KCTD10: variants seen among roughly 807,000 people sequenced by gnomAD.
KCTD10 encodes the protein potassium channel tetramerization domain containing 10.
In KCTD10, 13 loss-of-function variants were observed where a neutral mutation model predicts 34.6. The ratio of observed to expected loss-of-function variants is 0.38; its 90% CI spans 0.24 to 0.60. The LOEUF (loss-of-function observed/expected upper bound fraction) is 0.60, where lower values mean the gene tolerates loss of function less well. KCTD10 is among the 20% of genes least tolerant of loss of function. KCTD10 has a pLI of 0.66. For synonymous variants in KCTD10, 156 were observed against 168.8 expected (o/e 0.92, Z 0.59); for missense variants, 256 against 420.3 (o/e 0.61, Z 3.42).
In KCTD10 at chr12:109,451,426, C is replaced by T. The variant is rs1592831991; in HGVS notation, c.*169G>A. The T allele has an allele frequency of 1.6e-6, 1 of 637,056 alleles. No homozygotes were observed. The highest frequency in any genetic ancestry group is 2.8e-5 in the East Asian group (1 of 35,350). 39.5% of individuals were successfully genotyped at this position (637,056 alleles called of 1,614,324 possible). On this transcript the variant is annotated 3_prime_UTR_variant, in exon 7 of 7. Coordinates refer to ENST00000228495, the MANE Select transcript of KCTD10 (RefSeq NM_031954.5). The surrounding 1 kb of genome is among the most constrained non-coding windows in gnomAD (Gnocchi z 5.0). ...CAGGGGTCATACGCCTGGGTCAAGA[C>T]AATCAATTTGCCTTGTCAAGCAATA...
chr12:109,472,667 T>C (rs1873946574), intron 1 of KCTD10, among the ~76,000 whole-genome samples: 1 of 152,214 alleles, frequency 6.6e-6, no homozygotes, highest in Non-Finnish European at 1.5e-5. Flanking sequence ...AGCAAAGTAG[T>C]TCTGTTTACA....
chr12:109,456,158 C>G lies in KCTD10; in HGVS notation c.683G>C (p.Cys228Ser). 6.2e-7 allele frequency: 1 copy of G among 1,614,152 alleles called. No individual in the cohort carries two copies. Among genetic ancestry groups the G allele is most frequent in the Non-Finnish European group, 8.5e-7 (1 of 1,180,032 alleles). The change falls in exon 6 of 7, where the codon TGT (cysteine) becomes TCT (serine). Residue 228 changes from cysteine to serine, a missense_variant. Coordinates refer to ENST00000228495, the MANE Select transcript of KCTD10 (RefSeq NM_031954.5). ...GQGRKIAEVC[C>S]TSIVYATEKK... ...CTCAGTGGCATAGACGATGGAGGTA[C>G]AACAGACTTCAGCAATCTTCCGGCC... is the stretch of plus-strand genomic sequence containing the variant.
At chr12:109,473,494 G>A (rs941689318) in intron 1 of KCTD10, among the ~76,000 whole-genome samples, 12 of 152,086 alleles carry the variant, frequency 7.9e-5, no homozygotes, top group African/African-American at 2.7e-4. Flanking sequence ...ACTGTTTCCA[G>A]CTCTAATGGC....
intron 1 of KCTD10, among the ~76,000 whole-genome samples, chr12:109,471,845 T>G (rs1873905762): frequency 6.6e-6 from 1 of 152,218 alleles, no homozygotes; most frequent in South Asian, 2.1e-4. Context: ...CGATCTAGCA[T>G]TTTGGAAGGT....
chr12:109,463,976 C>T (rs1265946916), intron 2 of KCTD10, among the ~76,000 whole-genome samples: 1 of 152,156 alleles, frequency 6.6e-6, no homozygotes, highest in East Asian at 1.9e-4. Flanking sequence ...GTGTTGCTTT[C>T]AGGGACCCAA....
rs1022857730 is a variant in KCTD10 at position 109,451,952 on chromosome 12, T to C, written c.724-139A>G. 1.1e-5 allele frequency: 7 copies of C among 639,642 alleles called. No individual in the cohort carries two copies. The African/African-American group carries it at 1.1e-4, about 10-fold the overall frequency. 39.6% of individuals were successfully genotyped at this position (639,642 alleles called of 1,614,324 possible). On this transcript the variant is annotated intron_variant, in intron 6 of 6. Coordinates refer to ENST00000228495, the MANE Select transcript of KCTD10 (RefSeq NM_031954.5). The surrounding 1 kb of genome is among the most constrained non-coding windows in gnomAD (Gnocchi z 5.0). ...CCACCAGTATTATTTTTAAATAAAC[T>C]GATATTTTCAATGGCAACACTTACA...
intron 3 of KCTD10, 74 bp from the exon 4 acceptor site, chr12:109,458,152 A>G: frequency 8.0e-7 from 1 of 1,251,440 alleles, no homozygotes; most frequent in Admixed American, 1.7e-5. Flanking sequence ...CCGGCTGGAC[A>G]GGCTCTGGCG....
Position 109,456,069 on chromosome 12 carries a change from G to A in KCTD10, c.723+49C>T, listed in dbSNP as rs768685869. The A allele has an allele frequency of 1.9e-5, 29 of 1,554,350 alleles. No homozygotes were observed. The East Asian group carries it at 5.4e-4, about 29-fold the overall frequency. ...GCTCAAGTGAAAGGAAGTTCTATAG[G>A]TGTGTGTTTCAGAACAGCCACTCCA... On this transcript the variant is annotated intron_variant, in intron 6 of 6. Transcript: ENST00000228495.
chr12:109,468,778 G>A (rs955310550), intron 2 of KCTD10, among the ~76,000 whole-genome samples: 6 of 149,916 alleles, frequency 4.0e-5, no homozygotes, highest in Non-Finnish European at 8.9e-5. Context: ...TCAGCCTCCC[G>A]AGTAGCTGGG....
chr12:109,476,205 C>A (rs1395357356), intron 1 of KCTD10, among the ~76,000 whole-genome samples: 1 of 152,184 alleles, frequency 6.6e-6, no homozygotes, highest in African/African-American at 2.4e-5. Context: ...CCAGGTGTTG[C>A]TGCTGGTGGG....
intron 2 of KCTD10, among the ~76,000 whole-genome samples, chr12:109,462,331 C>T (rs1873374241): frequency 6.6e-6 from 1 of 152,240 alleles, no homozygotes; most frequent in African/African-American, 2.4e-5. Flanking sequence ...CCAGCGGCTT[C>T]CACTTCCTAC....
In KCTD10 at chr12:109,448,966, A is replaced by G. The variant is rs936013938; in HGVS notation, c.*2629T>C. On this transcript the variant is annotated 3_prime_UTR_variant, in exon 7 of 7. Coordinates refer to ENST00000228495, the MANE Select transcript of KCTD10 (RefSeq NM_031954.5). ...GAATATGCCAGGAATTGTCTTGGACATGGGCCCCAGTCACCACAATCAGAT... is the reference window on the plus strand; with the variant it reads ...GAATATGCCAGGAATTGTCTTGGACGTGGGCCCCAGTCACCACAATCAGAT... The G allele has an allele frequency of 6.6e-6, 1 of 152,164 alleles. No homozygotes were observed. The allele number at this position is 152,164 out of a possible 1,614,324, so 9.4% of individuals were successfully genotyped here.
intron 2 of KCTD10, 98 bp downstream of exon 2, chr12:109,469,417 A>ACATC (rs1326226242): frequency 5.6e-6 from 8 of 1,428,868 alleles, no homozygotes; most frequent in Non-Finnish European, 7.7e-6. Context: ...TGCCTCCTAC[A>ACATC]CATCTTCAGG....
Position 109,451,891 on chromosome 12 carries a change from C to T in KCTD10, c.724-78G>A. The stretch of plus-strand genomic sequence containing the variant: ...AACACCTGGACTTTAAGCAGGGCCG[C>T]CAGGCTAAATCAGGCCCCTGGGATT... On this transcript the variant is annotated intron_variant, in intron 6 of 6. Coordinates refer to ENST00000228495, the MANE Select transcript of KCTD10 (RefSeq NM_031954.5). This position sits in a 1 kb window ranked among gnomAD's most constrained non-coding sequence, Gnocchi z 5.0. 8.1e-7 allele frequency: 1 copy of T among 1,233,010 alleles called. No homozygotes were observed. The highest frequency in any genetic ancestry group is 1.1e-6 in the Non-Finnish European group (1 of 899,214). The allele number at this position is 1,233,010 out of a possible 1,614,324, so 76.4% of individuals were successfully genotyped here.
At position 109,451,322 on chromosome 12, in the gene KCTD10, G is replaced by A; in HGVS notation, c.*273C>T. ...TCACACTCATTCATACTTTTCCTCT[G>A]AGAACCGAGAAAGCCTGGCTCCAAA... On this transcript the variant is annotated 3_prime_UTR_variant, in exon 7 of 7. Coordinates refer to ENST00000228495, the MANE Select transcript of KCTD10 (RefSeq NM_031954.5). The surrounding 1 kb of genome is among the most constrained non-coding windows in gnomAD (Gnocchi z 5.0). 2.2e-6 allele frequency: 1 copy of A among 453,874 alleles called. No homozygotes were observed. The highest frequency in any genetic ancestry group is 3.9e-6 in the Non-Finnish European group (1 of 257,878). 28.1% of individuals were successfully genotyped at this position (453,874 alleles called of 1,614,324 possible). A position where few individuals can be genotyped will look rare whatever the true frequency, so the allele number is the denominator to read the frequency against.
intron 2 of KCTD10, among the ~76,000 whole-genome samples, chr12:109,466,634 A>G (rs1873605433): frequency 6.6e-6 from 1 of 152,224 alleles, no homozygotes; most frequent in Non-Finnish European, 1.5e-5. Flanking sequence ...AAACTCAATC[A>G]GGTAGAAGGG....
In KCTD10 at chr12:109,460,827, G is replaced by T; in HGVS notation, c.218-22C>A. On this transcript the variant is annotated intron_variant, in intron 2 of 6. Transcript: ENST00000228495. This position sits in a 1 kb window ranked among gnomAD's most constrained non-coding sequence, Gnocchi z 4.5. The stretch of plus-strand genomic sequence containing the variant: ...CAGCCTGCAGAGGGAGGAGGCAGGG[G>T]CTGGTTACATGGGCCCTCCTCTTGT... 6.2e-7 allele frequency: 1 copy of T among 1,611,300 alleles called. No homozygotes were observed. Among genetic ancestry groups the T allele is most frequent in the East Asian group, 2.2e-5 (1 of 44,848 alleles).
Position 109,473,565 on chromosome 12 carries a change from T to G in KCTD10, c.3+3695A>C, listed in dbSNP as rs577550823. Among the ~76,000 whole-genome samples, 11 of 152,244 alleles carry G rather than the reference T, an allele frequency of 7.2e-5. No individual in the cohort carries two copies. In the East Asian group the frequency reaches 1.7e-3, roughly 24 times the overall value. ...CCTGATCTAGAATGAGACTACAGAT[T>G]AGGCAACAAAAGCTCTAAACCTTTT... On this transcript the variant is annotated intron_variant, in intron 1 of 6. Coordinates refer to ENST00000228495, the MANE Select transcript of KCTD10 (RefSeq NM_031954.5).
chr12:109,463,991 G>A (rs1177694592), intron 2 of KCTD10, among the ~76,000 whole-genome samples: 2 of 152,204 alleles, frequency 1.3e-5, no homozygotes, highest in East Asian at 1.9e-4. Flanking sequence ...ACCCAAGGGA[G>A]GAGAAGGCTG....
Sources: gnomAD v4.1 joint callset for allele counts (sites outside exome capture counted in the v4.1 genomes callset) on GRCh38, gnomAD v4.1.1 for gene constraint, Gnocchi (gnomAD v3.1) non-coding constraint, MANE v1.5 for transcripts, NCBI Gene and HGNC (gene_info 2026-07-23, HGNC 2026-07-21) for gene names.